The following CPNE4 variants were observed in gnomAD, a reference collection of about 807,000 sequenced individuals.
CPNE4 encodes the protein copine 4.
Under a neutral mutation model 67.9 loss-of-function variants are expected in CPNE4, and 25 were observed. That is an observed-to-expected ratio of 0.37 (90% confidence interval 0.27 to 0.51). The LOEUF (loss-of-function observed/expected upper bound fraction) is 0.51. Among genes scored for constraint, CPNE4 ranks in the 20% least tolerant of loss-of-function variants. The pLI is 0.93. For missense variants in CPNE4, 464 were observed against 690.8 expected (o/e 0.67, Z 3.68); for synonymous variants, 242 against 244.9 (o/e 0.99, Z 0.11).
At chr3:131,925,195 C>A (rs2070861412) in intron 1 of CPNE4, among the ~76,000 whole-genome samples, 1 of 149,798 alleles carries the variant, frequency 6.7e-6, no homozygotes, top group African/African-American at 2.5e-5. Context: ...TTTGTACTTT[C>A]CTTTTGCTTT....
At chr3:131,738,033 C>T (rs191237092) in intron 2 of CPNE4, among the ~76,000 whole-genome samples, 60 of 152,282 alleles carry the variant, frequency 3.9e-4, no homozygotes, top group African/African-American at 1.3e-3. Context: ...AAGCTAGATA[C>T]ATCTCCATCC....
intron 15 of CPNE4, among the ~76,000 whole-genome samples, chr3:131,540,688 G>T (rs1385716694): frequency 6.6e-6 from 1 of 152,194 alleles, no homozygotes; most frequent in Non-Finnish European, 1.5e-5. Context: ...TATGAAGAAT[G>T]TCAGGGATTC....
intron 1 of CPNE4, among the ~76,000 whole-genome samples, chr3:131,970,757 G>A (rs1253406847): frequency 1.3e-5 from 2 of 152,036 alleles, no homozygotes; most frequent in African/African-American, 2.4e-5. Context: ...AGAAATGGAA[G>A]GTTAAAGTTG....
chr3:131,755,334 G>A (rs2107803886), intron 2 of CPNE4, among the ~76,000 whole-genome samples: 1 of 152,010 alleles, frequency 6.6e-6, no homozygotes, highest in Middle Eastern at 3.4e-3. Flanking sequence ...ACCTCCATAG[G>A]GGAGGAGACA....
chr3:131,917,917 A>C (rs976811283), intron 1 of CPNE4, among the ~76,000 whole-genome samples: 2 of 152,200 alleles, frequency 1.3e-5, no homozygotes, highest in African/African-American at 4.8e-5. Flanking sequence ...ACAAGAAAAC[A>C]TGCAGTTCCC....
intron 1 of CPNE4, among the ~76,000 whole-genome samples, chr3:132,007,768 C>T (rs1483708450): frequency 6.6e-6 from 1 of 152,118 alleles, no homozygotes; most frequent in East Asian, 1.9e-4. Flanking sequence ...TGCCATGACA[C>T]CTGTCATGAT....
In CPNE4 at chr3:131,893,000, T is replaced by C. The variant is rs545783230; in HGVS notation, c.180+12264A>G. Among the ~76,000 whole-genome samples, 11 of 152,056 alleles carry C rather than the reference T, an allele frequency of 7.2e-5. No homozygotes were observed. The South Asian group carries it at 2.1e-3, about 29-fold the overall frequency. Reference sequence around the variant, plus strand: ...CATTATTAACAACCTTGAATATAAATAGATTAAATTCTCCACTTAAAATGT... The same window carrying C: ...CATTATTAACAACCTTGAATATAAACAGATTAAATTCTCCACTTAAAATGT... On this transcript the variant is annotated intron_variant, in intron 2 of 15. Transcript: ENST00000429747.
intron 1 of CPNE4, among the ~76,000 whole-genome samples, chr3:131,968,519 A>T (rs2072417140): frequency 6.6e-6 from 1 of 152,220 alleles, no homozygotes; most frequent in Admixed American, 6.5e-5. Flanking sequence ...CAAGAAAGAA[A>T]CAATCCCATC....
intron 2 of CPNE4, among the ~76,000 whole-genome samples, chr3:131,865,225 T>C (rs1165138246): frequency 2.6e-5 from 4 of 152,196 alleles, no homozygotes; most frequent in African/African-American, 9.7e-5. Context: ...CCTCATAAAA[T>C]GAGTTAAGGA....
At position 131,756,968 on chromosome 3, in the gene CPNE4, A is replaced by G. The variant is rs181935458; in HGVS notation, c.181-33343T>C. On this transcript the variant is annotated intron_variant, in intron 2 of 15. Coordinates refer to ENST00000429747, the MANE Select transcript of CPNE4 (RefSeq NM_130808.3). ...TTTTCTCTTGCCACTGCCATGGAAG[A>G]AGTGCCTTTTGCCTCCTGCCATGAT... Among the ~76,000 whole-genome samples, 378 of 152,274 alleles carry G rather than the reference A, an allele frequency of 2.5e-3. 3 individuals are homozygous for G. Among genetic ancestry groups the G allele is most frequent in the African/African-American group, 8.0e-3 (333 of 41,550 alleles).
Position 131,581,660 on chromosome 3 carries a change from C to T in CPNE4, c.786G>A (p.Gln262=). The part of the protein sequence containing the change: ...MRGAMEGKQV[Q]WECINPKYKA... ...TGTACTTGGGATTGATGCACTCCCA[C>T]TGCACCTGAAAGAAGGGTCATAGCA... The change falls in exon 9 of 16, where the codon CAG becomes CAA. Residue 262 remains glutamine (Q), a synonymous_variant. Transcript: ENST00000429747. 2.5e-6 allele frequency: 4 copies of T among 1,606,144 alleles called. No individual in the cohort carries two copies. The highest frequency in any genetic ancestry group is 1.7e-4 in the Middle Eastern group (1 of 6,052).
intron 7 of CPNE4, among the ~76,000 whole-genome samples, chr3:131,622,382 T>C (rs1485548339): frequency 6.6e-6 from 1 of 152,236 alleles, no homozygotes; most frequent in Admixed American, 6.5e-5. Flanking sequence ...AATTAGAATG[T>C]TGATTACTCA....
At chr3:131,675,212 G>A (rs527755256) in intron 6 of CPNE4, among the ~76,000 whole-genome samples, 5 of 152,162 alleles carry the variant, frequency 3.3e-5, no homozygotes, top group Admixed American at 3.3e-4. Flanking sequence ...TATTTTAAGA[G>A]TAGTTTTGTG....
rs117087295 is a variant in CPNE4 at position 131,912,645 on chromosome 3, T to C, written c.-1-7201A>G. Among the ~76,000 whole-genome samples, 42 of 152,206 alleles carry C rather than the reference T, an allele frequency of 2.8e-4. No individual in the cohort carries two copies. The East Asian group carries it at 4.8e-3, about 18-fold the overall frequency. ...TTGTCAATCCATTTCCTAGGCAACA[T>C]TCCTTAGATCAAGAGGAGATCTGTC... On this transcript the variant is annotated intron_variant, in intron 1 of 15. Transcript: ENST00000429747.
intron 2 of CPNE4, among the ~76,000 whole-genome samples, chr3:131,868,450 A>C (rs1053612949): frequency 2.6e-5 from 4 of 152,212 alleles, no homozygotes; most frequent in Non-Finnish European, 4.4e-5. Context: ...GCGAAGCAAA[A>C]GGATAAAGAA....
chr3:131,582,891 G>A (rs939818710), intron 8 of CPNE4, among the ~76,000 whole-genome samples: 5 of 152,320 alleles, frequency 3.3e-5, no homozygotes, highest in South Asian at 2.1e-4. Flanking sequence ...AAGCAGAGAA[G>A]AATTCAGCCA....
chr3:131,625,436 G>T (rs919076263), intron 7 of CPNE4, among the ~76,000 whole-genome samples: 4 of 152,142 alleles, frequency 2.6e-5, no homozygotes, highest in African/African-American at 9.7e-5. Flanking sequence ...TTTAACAGGA[G>T]ACTTCTACCT....
chr3:131,666,839 G>A (rs2080275761), intron 7 of CPNE4, among the ~76,000 whole-genome samples: 1 of 152,072 alleles, frequency 6.6e-6, no homozygotes, highest in Non-Finnish European at 1.5e-5. Flanking sequence ...GATTAAAGGA[G>A]GCTTCAGAGA....
Position 131,992,048 on chromosome 3 carries a change from G to T in CPNE4, c.-2+42519C>A, listed in dbSNP as rs568305577. On this transcript the variant is annotated intron_variant, in intron 1 of 15. Coordinates refer to ENST00000429747, the MANE Select transcript of CPNE4 (RefSeq NM_130808.3). ...TAGGCAGAAGTTTCCTGCAGGGGTG[G>T]AGCCCTCATGGAGAACCTCTGCTAC... Among the ~76,000 whole-genome samples, 13 of 136,726 alleles carry T rather than the reference G, an allele frequency of 9.5e-5. 2 individuals carry two copies. Among genetic ancestry groups the T allele is most frequent in the African/African-American group, 3.2e-4 (13 of 40,822 alleles). The allele number at this position is 136,726 out of a possible 152,430, so 89.7% of individuals were successfully genotyped here. A position where few individuals can be genotyped will look rare whatever the true frequency, so the allele number is the denominator to read the frequency against.
Sources: allele counts gnomAD v4.1 joint callset (sites outside exome capture counted in the v4.1 genomes callset), GRCh38; gene constraint gnomAD v4.1.1; transcripts MANE v1.5; gene names NCBI Gene and HGNC (gene_info 2026-07-23, HGNC 2026-07-21).